Variants in RSU1 observed in about 807,000 individuals in gnomAD.
The protein encoded by RSU1 is Ras suppressor protein 1.
Under a neutral mutation model 31.1 loss-of-function variants are expected in RSU1, and 26 were observed. The observed-to-expected ratio is 0.84, with a 90% CI of 0.61 to 1.16. The LOEUF (loss-of-function observed/expected upper bound fraction) is 1.16. Among genes scored for constraint, RSU1 ranks in the 50% most tolerant of loss-of-function variants. The pLI is 0.00. For synonymous variants in RSU1, 164 were observed against 136.3 expected (o/e 1.20, Z -1.41); for missense variants, 320 against 339.1 (o/e 0.94, Z 0.44).
intron 7 of RSU1, among the ~76,000 whole-genome samples, chr10:16,700,980 T>C (rs1035444483): frequency 1.3e-5 from 2 of 152,196 alleles, no homozygotes; most frequent in African/African-American, 4.8e-5. Context: ...TGACTAAATG[T>C]TTATGTGTAA....
intron 8 of RSU1, among the ~76,000 whole-genome samples, chr10:16,596,264 G>C (rs1194511391): frequency 6.6e-6 from 1 of 152,138 alleles, no homozygotes; most frequent in Admixed American, 6.5e-5. Flanking sequence ...TCGAAGTTAA[G>C]GACCACCCTG....
At chr10:16,735,166 A>G (rs907510224) in intron 7 of RSU1, among the ~76,000 whole-genome samples, 3 of 152,254 alleles carry the variant, frequency 2.0e-5, no homozygotes, top group South Asian at 4.1e-4. Flanking sequence ...GGTCTCGGCT[A>G]TAATAGTGCA....
intron 2 of RSU1, among the ~76,000 whole-genome samples, chr10:16,788,167 G>C (rs1451001364): frequency 6.6e-6 from 1 of 152,182 alleles, no homozygotes; most frequent in East Asian, 1.9e-4. Context: ...TTAAGACTAT[G>C]CTCAGCTTCA....
chr10:16,593,861 G>A (rs749711775), intron 8 of RSU1, among the ~76,000 whole-genome samples: 6 of 152,202 alleles, frequency 3.9e-5, no homozygotes, highest in Non-Finnish European at 7.3e-5. Context: ...AGTGAAAAGC[G>A]AGCATGATGC....
chr10:16,816,628 T>C (rs770477968), intron 2 of RSU1, among the ~76,000 whole-genome samples: 8 of 152,234 alleles, frequency 5.3e-5, no homozygotes, highest in Non-Finnish European at 7.3e-5. Flanking sequence ...GGACAAAGAC[T>C]GTATTAGGAG....
chr10:16,706,233 G>A (rs771269549), intron 7 of RSU1, among the ~76,000 whole-genome samples: 4 of 152,188 alleles, frequency 2.6e-5, no homozygotes, highest in Non-Finnish European at 4.4e-5. Context: ...TCCACCAACA[G>A]TGCTCAAGGG....
intron 8 of RSU1, among the ~76,000 whole-genome samples, chr10:16,605,391 A>G (rs980028082): frequency 6.6e-6 from 1 of 152,176 alleles, no homozygotes; most frequent in African/African-American, 2.4e-5. Context: ...CCTGGGACAC[A>G]CTAGAAATGT....
intron 7 of RSU1, among the ~76,000 whole-genome samples, chr10:16,726,727 G>C (rs939755409): frequency 6.6e-6 from 1 of 151,838 alleles, no homozygotes; most frequent in Admixed American, 6.6e-5. Flanking sequence ...TTCTCATATT[G>C]AATTAGTTGC....
chr10:16,727,244 T>C (rs1470000829), intron 7 of RSU1: 2 of 427,004 alleles, frequency 4.7e-6, no homozygotes, highest in East Asian at 1.5e-4. Flanking sequence ...TCTTTTGTTA[T>C]AATTTCACAG....
At chr10:16,716,558 T>C (rs1836144948) in intron 7 of RSU1, among the ~76,000 whole-genome samples, 1 of 152,070 alleles carries the variant, frequency 6.6e-6, no homozygotes, top group African/African-American at 2.4e-5. Context: ...ATACATGATA[T>C]GAGCACCAAA....
At chr10:16,607,953 C>A (rs532143911) in intron 8 of RSU1, among the ~76,000 whole-genome samples, 10 of 152,292 alleles carry the variant, frequency 6.6e-5, no homozygotes, top group African/African-American at 2.4e-4. Flanking sequence ...ACCTCTGCCT[C>A]CCAAGTAGCT....
chr10:16,629,045 C>A (rs1459633323), intron 8 of RSU1, among the ~76,000 whole-genome samples: 2 of 152,200 alleles, frequency 1.3e-5, no homozygotes, highest in East Asian at 3.9e-4. Flanking sequence ...ACTATCAACA[C>A]CGCTGCCATG....
At chr10:16,725,044 A>T (rs921703380) in intron 7 of RSU1, among the ~76,000 whole-genome samples, 12 of 152,228 alleles carry the variant, frequency 7.9e-5, no homozygotes, top group African/African-American at 2.7e-4. Context: ...AAAGGAGATC[A>T]GAGGAAACTC....
chr10:16,754,602 A>T (rs1250859608), intron 5 of RSU1, among the ~76,000 whole-genome samples: 1 of 151,170 alleles, frequency 6.6e-6, no homozygotes, highest in East Asian at 1.9e-4. Context: ...TCTTAGCTAA[A>T]TGTGAGGCTT....
At position 16,737,377 on chromosome 10, in the gene RSU1, T is replaced by C. The variant is rs144206005; in HGVS notation, c.598+15162A>G. The stretch of plus-strand genomic sequence containing the variant: ...AAAATTTTAAGAGGCCACAGAAAAA[T>C]AGACACAGAGAACAATGTAAGAAAG... On this transcript the variant is annotated intron_variant, in intron 7 of 8. Coordinates refer to ENST00000345264, the MANE Select transcript of RSU1 (RefSeq NM_012425.4). 3.4e-3 allele frequency among the ~76,000 whole-genome samples: 503 copies of C among 148,296 alleles called. 2 individuals are homozygous for C. Among genetic ancestry groups the C allele is most frequent in the Middle Eastern group, 0.021 (6 of 280 alleles).
At chr10:16,653,175 G>A (rs1464554281) in intron 8 of RSU1, among the ~76,000 whole-genome samples, 1 of 152,144 alleles carries the variant, frequency 6.6e-6, no homozygotes, top group African/African-American at 2.4e-5. Flanking sequence ...GAAGAAGCAG[G>A]CTTCAAGTCT....
intron 8 of RSU1, among the ~76,000 whole-genome samples, chr10:16,673,047 T>C (rs1835142603): frequency 6.6e-6 from 1 of 151,980 alleles, no homozygotes. Flanking sequence ...GCATGTCTCC[T>C]AGGGCAAGCT....
At chr10:16,757,497 C>T (rs920330322) in intron 4 of RSU1, among the ~76,000 whole-genome samples, 3 of 152,192 alleles carry the variant, frequency 2.0e-5, no homozygotes, top group East Asian at 1.9e-4. Context: ...TCTACTGCCA[C>T]GACAGCAAGA....
intron 8 of RSU1, among the ~76,000 whole-genome samples, chr10:16,628,921 GA>G: frequency 6.6e-6 from 1 of 152,302 alleles, no homozygotes; most frequent in East Asian, 1.9e-4. Context: ...CAAGGTCCAT[GA>G]AGAGAGATTT....
Sources: allele counts gnomAD v4.1 joint callset (sites outside exome capture counted in the v4.1 genomes callset), GRCh38; gene constraint gnomAD v4.1.1; transcripts MANE v1.5; gene names NCBI Gene and HGNC (gene_info 2026-07-23, HGNC 2026-07-21).